The following ESCO1 variants were observed in gnomAD, a reference collection of about 807,000 sequenced individuals.
ESCO1 encodes the protein establishment of sister chromatid cohesion N-acetyltransferase 1, also known as N-acetyltransferase ESCO1.
ESCO1 carries 33 observed loss-of-function variants against 83.5 expected under a neutral mutation model. That is an observed-to-expected ratio of 0.40 (90% CI 0.30 to 0.53). The LOEUF is 0.53. Among genes scored for constraint, ESCO1 ranks in the 20% least tolerant of loss-of-function variants. The pLI, the probability that ESCO1 is intolerant of heterozygous loss-of-function variation, is 0.63. For missense variants in ESCO1, 855 were observed against 968.0 expected, an observed-to-expected ratio of 0.88 and a Z score of 1.55; for synonymous variants, 332 against 324.3, an observed-to-expected ratio of 1.02 and a Z score of -0.25.
intron 4 of ESCO1, among the ~76,000 whole-genome samples, chr18:21,569,439 A>C (rs954079710): frequency 6.6e-6 from 1 of 151,928 alleles, no homozygotes; most frequent in African/African-American, 2.4e-5. Flanking sequence ...TCTACCAAAA[A>C]TACAAAAAAA....
At chr18:21,531,055 T>G in intron 11 of ESCO1, among the ~76,000 whole-genome samples, 1 of 152,228 alleles carries the variant, frequency 6.6e-6, no homozygotes, top group Non-Finnish European at 1.5e-5. Flanking sequence ...TCAAGATTGA[T>G]ATTCAAAAGT....
intron 1 of ESCO1, among the ~76,000 whole-genome samples, chr18:21,587,173 A>G (rs1367546242): frequency 6.6e-6 from 1 of 152,222 alleles, no homozygotes; most frequent in Non-Finnish European, 1.5e-5. Context: ...GGACATATTC[A>G]TAAGAAATAT....
chr18:21,579,784 A>ACACG (rs1376352667), intron 2 of ESCO1, among the ~76,000 whole-genome samples: 8 of 60,196 alleles, frequency 1.3e-4, no homozygotes, highest in African/African-American at 3.3e-4. Flanking sequence ...ACACACACAC[A>ACACG]CGCGCGCGCG....
At chr18:21,597,005 A>G (rs2146241829) in intron 1 of ESCO1, 1 of 152,344 alleles carries the variant, frequency 6.6e-6, no homozygotes, top group South Asian at 2.1e-4. Context: ...GATTCCTGAG[A>G]TCAAAATCAT....
At chr18:21,554,521 C>A (rs371269508) in intron 8 of ESCO1, among the ~76,000 whole-genome samples, 1 of 152,174 alleles carries the variant, frequency 6.6e-6, no homozygotes, top group Non-Finnish European at 1.5e-5. Context: ...AATGCCAACA[C>A]TTTGGGAGCC....
intron 8 of ESCO1, among the ~76,000 whole-genome samples, chr18:21,542,518 A>C (rs530959400): frequency 6.6e-6 from 1 of 152,280 alleles, no homozygotes; most frequent in Admixed American, 6.5e-5. Context: ...CATCACCTCC[A>C]TCACTTGGGT....
intron 4 of ESCO1, among the ~76,000 whole-genome samples, chr18:21,569,338 C>G (rs2038307385): frequency 6.6e-6 from 1 of 152,222 alleles, no homozygotes; most frequent in Non-Finnish European, 1.5e-5. Context: ...TGGCTCACGC[C>G]TGTAATCCCA....
chr18:21,585,683 C>T (rs1392102217), intron 1 of ESCO1, among the ~76,000 whole-genome samples: 1 of 152,088 alleles, frequency 6.6e-6, no homozygotes, highest in Admixed American at 6.6e-5. Flanking sequence ...GTCTCAAACT[C>T]CTGGCCCCAA....
chr18:21,568,897 C>T (rs2038299614), intron 4 of ESCO1, among the ~76,000 whole-genome samples: 2 of 139,182 alleles, frequency 1.4e-5, no homozygotes, highest in Admixed American at 7.2e-5. Context: ...AGCTAGACTC[C>T]ATCTCAAAAA....
intron 8 of ESCO1, among the ~76,000 whole-genome samples, chr18:21,556,280 GA>G (rs562090466): frequency 6.6e-6 from 1 of 151,622 alleles, no homozygotes; most frequent in Non-Finnish European, 1.5e-5. Context: ...TTAAAAATCA[GA>G]AAAAAAATCT....
chr18:21,579,464 T>TAAAAAACA (rs943239432), intron 2 of ESCO1, among the ~76,000 whole-genome samples: 4 of 149,822 alleles, frequency 2.7e-5, no homozygotes, highest in South Asian at 2.2e-4. Context: ...CCCATCTCTT[T>TAAAAAACA]AAAAAACAAA....
chr18:21,558,463 T>C (rs552213295), intron 8 of ESCO1, among the ~76,000 whole-genome samples: 1 of 152,294 alleles, frequency 6.6e-6, no homozygotes, highest in African/African-American at 2.4e-5. Flanking sequence ...GCGTAGTAGT[T>C]CATGCCTGTA....
chr18:21,595,432 G>A (rs1240229290), intron 1 of ESCO1, among the ~76,000 whole-genome samples: 2 of 151,498 alleles, frequency 1.3e-5, no homozygotes, highest in African/African-American at 4.9e-5. Context: ...CACTTTGGGA[G>A]GCCGAGGCGG....
chr18:21,579,878 A>G (rs2038476969), intron 2 of ESCO1, among the ~76,000 whole-genome samples: 2 of 151,288 alleles, frequency 1.3e-5, no homozygotes, highest in Admixed American at 1.3e-4. Flanking sequence ...AGAATAATGG[A>G]TGAAAAAAAT....
In ESCO1 at chr18:21,556,525, C is replaced by T. The variant is rs377037029; in HGVS notation, c.1953+4334G>A. ...TCTGTAGCAGCACTATCCAAGAGAA[C>T]GTTCTGTGTGATGATGCAAACATTC... is the stretch of plus-strand genomic sequence containing the variant. On this transcript the variant is annotated intron_variant, in intron 8 of 11. Transcript: ENST00000269214. Among the ~76,000 whole-genome samples the T allele has an allele frequency of 8.5e-4, 129 of 152,302 alleles. 1 individual carries two copies. The highest frequency in any genetic ancestry group is 3.1e-3 in the African/African-American group (127 of 41,578).
intron 1 of ESCO1, among the ~76,000 whole-genome samples, chr18:21,598,631 G>C (rs2038797885): frequency 6.6e-6 from 1 of 152,118 alleles, no homozygotes; most frequent in South Asian, 2.1e-4. Context: ...GAACCCAGGA[G>C]GCGGAGATTG....
Position 21,560,900 on chromosome 18 carries a change from G to A in ESCO1, c.1912C>T (p.Leu638=). The part of the protein sequence containing the change: ...ASNPEDETQH[L]LFHNQFISAV... Reference sequence around the variant, plus strand: ...CTTATAAACTGGTTGTGGAAAAGCAGATGCTGTGTTTCATCTTCTGGATTT... The same window carrying A: ...CTTATAAACTGGTTGTGGAAAAGCAAATGCTGTGTTTCATCTTCTGGATTT... The change falls in exon 8 of 12, where the codon CTG becomes TTG. Residue 638 remains leucine (L), a synonymous_variant. Transcript: ENST00000269214. 6.2e-7 allele frequency: 1 copy of A among 1,602,450 alleles called. No homozygotes were observed. Among genetic ancestry groups the A allele is most frequent in the Non-Finnish European group, 8.5e-7 (1 of 1,176,094 alleles).
At chr18:21,575,498 C>T (rs543746930) in intron 3 of ESCO1, 68 bp from the exon 4 acceptor site, 3 of 398,092 alleles carry the variant, frequency 7.5e-6, no homozygotes, top group Non-Finnish European at 4.4e-6. Context: ...TAATACTACA[C>T]AGAAATAACC....
At chr18:21,560,762 T>A in intron 8 of ESCO1, 97 bp downstream of exon 8, 1 of 1,456,918 alleles carries the variant, frequency 6.9e-7, no homozygotes. Context: ...CTTAAAAACA[T>A]AAATTTTTCA....
Sources: allele counts gnomAD v4.1 joint callset (sites outside exome capture counted in the v4.1 genomes callset), GRCh38; gene constraint gnomAD v4.1.1; transcripts MANE v1.5; gene names NCBI Gene and HGNC (gene_info 2026-07-23, HGNC 2026-07-21).